DGKI: variants seen among roughly 807,000 people sequenced by gnomAD.
The protein encoded by DGKI is DAG kinase iota.
A neutral mutation model predicts 147.5 loss-of-function variants in DGKI; 55 were observed. The ratio of observed to expected loss-of-function variants is 0.37; its 90% CI spans 0.30 to 0.47. DGKI has a LOEUF of 0.47. Ranked by LOEUF, DGKI falls within the 20% of genes least tolerant of loss-of-function variation. DGKI has a pLI of 1.00. For synonymous variants in DGKI, 469 were observed against 477.1 expected (o/e 0.98, Z 0.22); for missense variants, 1,007 against 1,323.8 (o/e 0.76, Z 3.71).
chr7:137,691,475 G>A (rs1199649820), intron 1 of DGKI, among the ~76,000 whole-genome samples: 1 of 152,170 alleles, frequency 6.6e-6, no homozygotes, highest in Non-Finnish European at 1.5e-5. Context: ...TGGAGAAAAG[G>A]AAAGCAGTGA....
intron 8 of DGKI, 61 bp from the exon 9 acceptor site, chr7:137,609,670 C>G: frequency 8.1e-7 from 1 of 1,228,090 alleles, no homozygotes. Flanking sequence ...CTTTCCCATG[C>G]AGAACCAAGT....
At chr7:137,391,925 A>G (rs886934940) in intron 32 of DGKI, among the ~76,000 whole-genome samples, 1 of 152,200 alleles carries the variant, frequency 6.6e-6, no homozygotes, top group Non-Finnish European at 1.5e-5. Flanking sequence ...GTAGATATTG[A>G]TTAAAGAAAT....
chr7:137,825,271 A>T (rs1798021376), intron 1 of DGKI, among the ~76,000 whole-genome samples: 1 of 152,214 alleles, frequency 6.6e-6, no homozygotes, highest in Non-Finnish European at 1.5e-5. Flanking sequence ...GCACGTCTCC[A>T]AAACAATCTG....
At chr7:137,588,084 T>C (rs1039801338) in intron 12 of DGKI, among the ~76,000 whole-genome samples, 5 of 152,204 alleles carry the variant, frequency 3.3e-5, no homozygotes, top group Non-Finnish European at 7.3e-5. Context: ...TTCTGTCCTA[T>C]AGAGACACAA....
chr7:137,700,152 A>G (rs1227099052), intron 1 of DGKI, among the ~76,000 whole-genome samples: 3 of 152,194 alleles, frequency 2.0e-5, no homozygotes, highest in Non-Finnish European at 4.4e-5. Context: ...GAGGAGACAC[A>G]CTGCCAGGGT....
At chr7:137,816,761 A>T (rs1797748281) in intron 1 of DGKI, among the ~76,000 whole-genome samples, 1 of 152,220 alleles carries the variant, frequency 6.6e-6, no homozygotes, top group African/African-American at 2.4e-5. Flanking sequence ...TTATATGACA[A>T]TAGGGGGTGA....
intron 1 of DGKI, among the ~76,000 whole-genome samples, chr7:137,843,796 C>CACACACACACA (rs61367535): frequency 4.0e-5 from 6 of 149,076 alleles, no homozygotes; most frequent in Non-Finnish European, 8.9e-5. Flanking sequence ...CACACACACA[C>CACACACACACA]CCTCTCTCCC....
At chr7:137,535,039 G>A (rs1817471117) in intron 20 of DGKI, among the ~76,000 whole-genome samples, 1 of 152,104 alleles carries the variant, frequency 6.6e-6, no homozygotes, top group Non-Finnish European at 1.5e-5. Context: ...AACCAACCCT[G>A]CTGACACCTT....
chr7:137,582,437 T>C (rs189730467), intron 14 of DGKI, among the ~76,000 whole-genome samples: 83 of 145,918 alleles, frequency 5.7e-4, no homozygotes, highest in African/African-American at 2.0e-3. Context: ...TCTCTCTCTA[T>C]ATATATATAT....
At chr7:137,497,251 C>T (rs1258081917) in intron 21 of DGKI, among the ~76,000 whole-genome samples, 1 of 152,114 alleles carries the variant, frequency 6.6e-6, no homozygotes, top group Non-Finnish European at 1.5e-5. Flanking sequence ...GATGCCATCT[C>T]ACACCAGTCA....
At chr7:137,391,444 G>C (rs1446226439) in intron 32 of DGKI, 108 bp from the exon 33 acceptor site, 1 of 758,964 alleles carries the variant, frequency 1.3e-6, no homozygotes, top group East Asian at 2.6e-5. Context: ...CACAGAAACA[G>C]AACTACGCAA....
intron 21 of DGKI, among the ~76,000 whole-genome samples, chr7:137,505,789 A>C (rs1290988782): frequency 2.0e-5 from 3 of 152,120 alleles, no homozygotes; most frequent in Non-Finnish European, 4.4e-5. Flanking sequence ...CCAATTAAAA[A>C]ACTGGGCAAA....
Position 137,427,118 on chromosome 7 carries a change from C to A in DGKI, c.2762-14911G>T, listed in dbSNP as rs575813658. On this transcript the variant is annotated intron_variant, in intron 28 of 32. Transcript: ENST00000614521. ...ATACATTTTTTTCAGCACCACCCCA[C>A]ACCTATTCCAAAATTGACCACATAG... Among the ~76,000 whole-genome samples, 779 of 152,176 alleles carry A rather than the reference C, an allele frequency of 5.1e-3. 7 individuals are homozygous for A. Among genetic ancestry groups the A allele is most frequent in the African/African-American group, 0.017 (721 of 41,472 alleles).
At chr7:137,523,768 A>G (rs1345451538) in intron 20 of DGKI, among the ~76,000 whole-genome samples, 2 of 152,174 alleles carry the variant, frequency 1.3e-5, no homozygotes, top group Admixed American at 1.3e-4. Flanking sequence ...ACAGCTTGAC[A>G]GTATATTTAT....
chr7:137,632,296 G>A (rs148197494), intron 6 of DGKI, among the ~76,000 whole-genome samples: 101 of 152,272 alleles, frequency 6.6e-4, no homozygotes, highest in African/African-American at 2.4e-3. Flanking sequence ...TCTGTTTCTC[G>A]ACCTAAGCTA....
At chr7:137,718,890 C>CA (rs1468352046) in intron 1 of DGKI, among the ~76,000 whole-genome samples, 1 of 151,910 alleles carries the variant, frequency 6.6e-6, no homozygotes, top group Non-Finnish European at 1.5e-5. Flanking sequence ...GTGATCACTG[C>CA]AAAAAAGGAA....
chr7:137,830,535 G>C (rs1330499809), intron 1 of DGKI, among the ~76,000 whole-genome samples: 1 of 152,196 alleles, frequency 6.6e-6, no homozygotes, highest in Non-Finnish European at 1.5e-5. Flanking sequence ...GTTTAGTGCT[G>C]CATTTTTATG....
chr7:137,614,322 A>G (rs1394700410), intron 8 of DGKI, among the ~76,000 whole-genome samples: 1 of 152,182 alleles, frequency 6.6e-6, no homozygotes, highest in Non-Finnish European at 1.5e-5. Flanking sequence ...CTCATGATAC[A>G]TAAGTTTTGT....
At chr7:137,843,584 G>A (rs574353287) in intron 1 of DGKI, 1 of 218,896 alleles carries the variant, frequency 4.6e-6, no homozygotes, top group South Asian at 1.6e-4. Flanking sequence ...CAAAGTAAAA[G>A]TCAAGCAAAA....
Sources: allele counts gnomAD v4.1 joint callset (sites outside exome capture counted in the v4.1 genomes callset), GRCh38; gene constraint gnomAD v4.1.1; transcripts MANE v1.5; gene names NCBI Gene and HGNC (gene_info 2026-07-23, HGNC 2026-07-21).